The following CATSPERE variants were observed in gnomAD, a reference collection of about 807,000 sequenced individuals.
CATSPERE encodes catsper channel auxiliary subunit epsilon.
Under a neutral mutation model 114.1 loss-of-function variants are expected in CATSPERE, and 93 were observed. The observed-to-expected ratio is 0.81, with a 90% CI of 0.69 to 0.97. The LOEUF (loss-of-function observed/expected upper bound fraction) is 0.97, where lower values mean the gene tolerates loss of function less well. Ranked by LOEUF, CATSPERE falls within the 50% of genes least tolerant of loss-of-function variation. The probability of loss-of-function intolerance (pLI) is 0.00; values close to 1 mark genes in which losing one functional copy is unlikely to be tolerated. For synonymous variants in CATSPERE, 341 were observed against 384.1 expected (o/e 0.89, Z 1.31); for missense variants, 1,058 against 1,131.6 (o/e 0.93, Z 0.93).
chr1:244,474,077 A>T (rs917139193), intron 2 of CATSPERE, among the ~76,000 whole-genome samples: 1 of 151,546 alleles, frequency 6.6e-6, no homozygotes, highest in Non-Finnish European at 1.5e-5. Context: ...TGTCACCCAG[A>T]CTGGATTGCA....
intron 11 of CATSPERE, among the ~76,000 whole-genome samples, chr1:244,579,064 A>C (rs1262761230): frequency 6.6e-6 from 1 of 152,076 alleles, no homozygotes; most frequent in Non-Finnish European, 1.5e-5. Flanking sequence ...ATGATAAAAA[A>C]AATATGCAAG....
chr1:244,623,080 T>G (rs1411299311), intron 20 of CATSPERE, among the ~76,000 whole-genome samples: 2 of 151,666 alleles, frequency 1.3e-5, no homozygotes, highest in Non-Finnish European at 2.9e-5. Context: ...ATTTATTTAT[T>G]TATTTATTTT....
At chr1:244,537,948 G>A (rs1005793076) in intron 8 of CATSPERE, among the ~76,000 whole-genome samples, 1 of 152,174 alleles carries the variant, frequency 6.6e-6, no homozygotes, top group African/African-American at 2.4e-5. Flanking sequence ...AGGTGTTGAA[G>A]TTGCAAGAGA....
Position 244,512,510 on chromosome 1 carries a change from C to T in CATSPERE, c.430-6082C>T, listed in dbSNP as rs201689211. Among the ~76,000 whole-genome samples the T allele has an allele frequency of 4.0e-5, 6 of 151,746 alleles. No individual in the cohort carries two copies. In the East Asian group the frequency reaches 1.2e-3, roughly 29 times the overall value. Reference sequence around the variant, plus strand: ...TCTCACTAAGTTTCTTTTTTTCCTCCTCCCTCTCTGAGTTTCTTTATTGTC... The same window carrying T: ...TCTCACTAAGTTTCTTTTTTTCCTCTTCCCTCTCTGAGTTTCTTTATTGTC... On this transcript the variant is annotated intron_variant, in intron 7 of 21. Transcript: ENST00000366534.
chr1:244,546,580 G>A (rs2148478891), intron 8 of CATSPERE, among the ~76,000 whole-genome samples: 1 of 152,226 alleles, frequency 6.6e-6, no homozygotes, highest in African/African-American at 2.4e-5. Flanking sequence ...AGAAAATACA[G>A]AGAAACAGTT....
At chr1:244,490,774 G>C (rs1034839101) in intron 6 of CATSPERE, among the ~76,000 whole-genome samples, 1 of 151,696 alleles carries the variant, frequency 6.6e-6, no homozygotes, top group East Asian at 2.0e-4. Flanking sequence ...AAATATTAAA[G>C]ATAGTTTTTA....
chr1:244,493,856 AT>A (rs1409945426), intron 6 of CATSPERE, among the ~76,000 whole-genome samples: 2 of 152,244 alleles, frequency 1.3e-5, no homozygotes, highest in East Asian at 1.9e-4. Flanking sequence ...AAAAATGCTC[AT>A]CAATCACTGG....
At chr1:244,524,746 C>T (rs1221704701) in intron 8 of CATSPERE, among the ~76,000 whole-genome samples, 1 of 148,598 alleles carries the variant, frequency 6.7e-6, no homozygotes, top group African/African-American at 2.6e-5. Flanking sequence ...AAATGCTCAC[C>T]ATCACTGGCC....
chr1:244,614,814 AT>A (rs1249891732), intron 19 of CATSPERE, among the ~76,000 whole-genome samples: 1 of 151,978 alleles, frequency 6.6e-6, no homozygotes, highest in Non-Finnish European at 1.5e-5. Flanking sequence ...TTTAAAATTA[AT>A]TTTTTTATTT....
intron 8 of CATSPERE, among the ~76,000 whole-genome samples, chr1:244,541,384 C>T (rs1558461533): frequency 2.0e-5 from 3 of 149,732 alleles, no homozygotes; most frequent in Non-Finnish European, 4.5e-5. Flanking sequence ...GACATTTATG[C>T]AGCCAAAAAA....
intron 8 of CATSPERE, among the ~76,000 whole-genome samples, chr1:244,527,782 G>A (rs1395321253): frequency 6.6e-6 from 1 of 152,134 alleles, no homozygotes; most frequent in Non-Finnish European, 1.5e-5. Context: ...CACAATTTAT[G>A]TTCTTCTGCC....
intron 18 of CATSPERE, among the ~76,000 whole-genome samples, chr1:244,606,327 A>G (rs968202755): frequency 6.6e-6 from 1 of 152,018 alleles, no homozygotes; most frequent in African/African-American, 2.4e-5. Flanking sequence ...ACCACTCCCA[A>G]TCAACACATT....
intron 2 of CATSPERE, among the ~76,000 whole-genome samples, chr1:244,467,043 G>A (rs1274549902): frequency 6.6e-6 from 1 of 152,214 alleles, no homozygotes; most frequent in Non-Finnish European, 1.5e-5. Context: ...AGGAATGAAT[G>A]ATCATGGCTG....
rs749683060 is a variant in CATSPERE, at chr1:244,588,463, C to T, written c.2086-19C>T. The T allele has an allele frequency of 2.1e-5, 33 of 1,595,530 alleles. No individual in the cohort carries two copies. In the Admixed American group the frequency reaches 4.3e-4, roughly 21 times the overall value. ...GAATCAGAACTGCTGAACTCACTACCTAAGTTACTTCATTTTAGGTGTTCC... is the reference window on the plus strand; with the variant it reads ...GAATCAGAACTGCTGAACTCACTACTTAAGTTACTTCATTTTAGGTGTTCC... On this transcript the variant is annotated intron_variant, in intron 13 of 21. Transcript: ENST00000366534.
intron 8 of CATSPERE, among the ~76,000 whole-genome samples, chr1:244,524,704 A>C (rs986005912): frequency 3.3e-5 from 5 of 151,146 alleles, no homozygotes; most frequent in Non-Finnish European, 4.4e-5. Context: ...TTCTCAAAAG[A>C]AGACATTTAT....
rs1675194203 is a variant in CATSPERE, at chr1:244,640,256, T to C, written c.*175T>C. The stretch of plus-strand genomic sequence containing the variant: ...AACTATCTCCAAAATAGAAATGTTT[T>C]CATATATATTGTTATTAAATTAATC... On this transcript the variant is annotated 3_prime_UTR_variant, in exon 22 of 22. Transcript: ENST00000366534. 6.0e-6 allele frequency: 3 copies of C among 503,090 alleles called. No individual in the cohort carries two copies. The highest frequency in any genetic ancestry group is 6.9e-6 in the Non-Finnish European group (2 of 289,182). The allele number at this position is 503,090 out of a possible 1,614,324, so 31.2% of individuals were successfully genotyped here.
intron 5 of CATSPERE, 74 bp downstream of exon 5, chr1:244,479,858 A>G: frequency 1.3e-6 from 1 of 779,198 alleles, no homozygotes; most frequent in Non-Finnish European, 2.0e-6. Flanking sequence ...TTAGCCACAA[A>G]TAGATTATCT....
chr1:244,487,899 A>G (rs1015640704), intron 5 of CATSPERE, among the ~76,000 whole-genome samples: 1 of 152,160 alleles, frequency 6.6e-6, no homozygotes, highest in Non-Finnish European at 1.5e-5. Context: ...ATTTGTTAAC[A>G]ATTTCAAGAT....
At chr1:244,455,530 A>G (rs1209254370) in intron 1 of CATSPERE, among the ~76,000 whole-genome samples, 1 of 150,290 alleles carries the variant, frequency 6.7e-6, no homozygotes, top group Non-Finnish European at 1.5e-5. Context: ...AAAGAGCGCT[A>G]TGGTTAAAAG....
Sources: allele counts gnomAD v4.1 joint callset (sites outside exome capture counted in the v4.1 genomes callset), GRCh38; gene constraint gnomAD v4.1.1; transcripts MANE v1.5; gene names NCBI Gene and HGNC (gene_info 2026-07-23, HGNC 2026-07-21).